MAP2K4: variants seen among roughly 807,000 people sequenced by gnomAD.
MAP2K4 encodes the protein dual specificity mitogen-activated protein kinase kinase 4.
Under a neutral mutation model 48.5 loss-of-function variants are expected in MAP2K4, and 4 were observed. The observed-to-expected ratio is 0.08, with a 90% CI of 0.04 to 0.19. The LOEUF is 0.19. Ranked by LOEUF, MAP2K4 falls within the 10% of genes least tolerant of loss-of-function variation. MAP2K4 has a pLI of 1.00. For missense variants in MAP2K4, 258 were observed against 493.3 expected (o/e 0.52, Z 4.52); for synonymous variants, 166 against 173.1 (o/e 0.96, Z 0.32).
chr17:12,045,323 G>T (rs1228246313), intron 1 of MAP2K4, among the ~76,000 whole-genome samples: 1 of 152,154 alleles, frequency 6.6e-6, no homozygotes, highest in African/African-American at 2.4e-5. Flanking sequence ...GGTGGTGATA[G>T]GATGTCATGG....
In MAP2K4 at chr17:12,085,421, T is replaced by C. The variant is rs540988812; in HGVS notation, c.393+3891T>C. Among the ~76,000 whole-genome samples the C allele has an allele frequency of 1.2e-4, 18 of 151,934 alleles. No homozygotes were observed. The South Asian group carries it at 3.1e-3, about 26-fold the overall frequency. On this transcript the variant is annotated intron_variant, in intron 3 of 10. Coordinates refer to ENST00000353533, the MANE Select transcript of MAP2K4 (RefSeq NM_003010.4). ...TTTCAGTCTTCTGCTTGAGAAATTA[T>C]CTGGGTTAATCAGGAAAAACAGATC...
chr17:12,063,136 T>C (rs1335710940), intron 2 of MAP2K4, among the ~76,000 whole-genome samples: 2 of 152,186 alleles, frequency 1.3e-5, no homozygotes, highest in African/African-American at 2.4e-5. Flanking sequence ...TTCTAAAATA[T>C]GTATGAAAAT....
chr17:12,093,766 A>G (rs1971640832), intron 3 of MAP2K4, among the ~76,000 whole-genome samples: 1 of 152,186 alleles, frequency 6.6e-6, no homozygotes, highest in South Asian at 2.1e-4. Flanking sequence ...TGTCTCTAAT[A>G]TTAAACAACT....
At chr17:12,134,131 C>G (rs1299823163) in intron 9 of MAP2K4, among the ~76,000 whole-genome samples, 1 of 151,920 alleles carries the variant, frequency 6.6e-6, no homozygotes, top group Non-Finnish European at 1.5e-5. Context: ...TGGCTCTCCA[C>G]CTAGGTGATG....
intron 2 of MAP2K4, among the ~76,000 whole-genome samples, chr17:12,063,389 G>T (rs929595498): frequency 2.0e-5 from 3 of 152,082 alleles, no homozygotes; most frequent in African/African-American, 7.2e-5. Context: ...ATAATATTCA[G>T]TGGGAAAAAA....
chr17:12,065,330 G>C (rs1460588144), intron 2 of MAP2K4, among the ~76,000 whole-genome samples: 1 of 131,664 alleles, frequency 7.6e-6, no homozygotes, highest in Admixed American at 8.2e-5. Flanking sequence ...ACAGAGTCTT[G>C]CTCTGTCATC....
intron 10 of MAP2K4, among the ~76,000 whole-genome samples, chr17:12,140,211 A>AG (rs1973333001): frequency 4.0e-5 from 1 of 25,010 alleles, no homozygotes; most frequent in African/African-American, 5.8e-5. Flanking sequence ...AAAATTAGTG[A>AG]AAATTTGTGT....
chr17:12,047,954 T>G (rs1158010799), intron 1 of MAP2K4, among the ~76,000 whole-genome samples: 1 of 152,258 alleles, frequency 6.6e-6, no homozygotes, highest in African/African-American at 2.4e-5. Flanking sequence ...TATTTATTAG[T>G]ATTTTCAGTG....
chr17:12,031,844 T>C (rs565124295), intron 1 of MAP2K4, among the ~76,000 whole-genome samples: 1 of 152,204 alleles, frequency 6.6e-6, no homozygotes, highest in African/African-American at 2.4e-5. Flanking sequence ...CTAAAACTTT[T>C]GCATCATAGA....
In MAP2K4 at chr17:12,096,067, TCCCCCCCCCCCCCCCC is replaced by T. The variant is rs570546554; in HGVS notation, c.513+379_513+394del. The stretch of plus-strand genomic sequence containing the variant: ...TTTTCATTGGGCCTTGAGCAACGCC[TCCCCCCCCCCCCCCCC>T]CCCCCGCCGCCAACTTTATATTTTA... On this transcript the variant is annotated intron_variant, in intron 4 of 10. Transcript: ENST00000353533. 1.7e-4 allele frequency among the ~76,000 whole-genome samples: 4 copies of T among 23,760 alleles called. 1 individual carries two copies. Among genetic ancestry groups the T allele is most frequent in the Admixed American group, 1.4e-3 (2 of 1,468 alleles). The allele number at this position is 23,760 out of a possible 152,430, so 15.6% of individuals were successfully genotyped here.
At chr17:12,049,144 A>G (rs1385792966) in intron 1 of MAP2K4, among the ~76,000 whole-genome samples, 1 of 152,224 alleles carries the variant, frequency 6.6e-6, no homozygotes, top group Non-Finnish European at 1.5e-5. Flanking sequence ...GATTGCAGAT[A>G]ATTAAAAAAT....
At chr17:12,103,339 G>A (rs544521250) in intron 4 of MAP2K4, among the ~76,000 whole-genome samples, 12 of 151,922 alleles carry the variant, frequency 7.9e-5, no homozygotes, top group Middle Eastern at 3.4e-3. Context: ...GAGCCATGGC[G>A]TCTGGCCTCC....
intron 1 of MAP2K4, among the ~76,000 whole-genome samples, chr17:12,029,155 T>C (rs1174935481): frequency 6.6e-6 from 1 of 152,062 alleles, no homozygotes; most frequent in East Asian, 1.9e-4. Flanking sequence ...ATAAAAGATC[T>C]TAAAATTGAG....
intron 6 of MAP2K4, among the ~76,000 whole-genome samples, chr17:12,111,476 CTTGA>C (rs1972301335): frequency 1.3e-5 from 2 of 148,464 alleles, no homozygotes; most frequent in South Asian, 4.2e-4. Flanking sequence ...TTGTTCTTGT[CTTGA>C]TTTTTTTTTT....
At chr17:12,100,954 A>G (rs1971917128) in intron 4 of MAP2K4, among the ~76,000 whole-genome samples, 1 of 152,088 alleles carries the variant, frequency 6.6e-6, no homozygotes, top group Admixed American at 6.5e-5. Context: ...TGTGTTTTGA[A>G]TACAAGTTTA....
intron 4 of MAP2K4, among the ~76,000 whole-genome samples, chr17:12,098,781 T>C (rs997252292): frequency 6.6e-6 from 1 of 152,086 alleles, no homozygotes. Flanking sequence ...GGGATTTCAT[T>C]TCACCTAATT....
chr17:12,073,859 T>G, intron 2 of MAP2K4, among the ~76,000 whole-genome samples: 1 of 151,112 alleles, frequency 6.6e-6, no homozygotes. Flanking sequence ...TGGGAACCTC[T>G]GCCTCCCGGG....
intron 1 of MAP2K4, among the ~76,000 whole-genome samples, chr17:12,054,437 T>G (rs1385636059): frequency 1.3e-5 from 2 of 152,142 alleles, no homozygotes; most frequent in African/African-American, 4.8e-5. Context: ...TACCGTAATG[T>G]TTTTAGCAAA....
chr17:12,134,744 C>T (rs1165336971), intron 9 of MAP2K4, among the ~76,000 whole-genome samples: 1 of 152,128 alleles, frequency 6.6e-6, no homozygotes, highest in African/African-American at 2.4e-5. Flanking sequence ...AATTAAAACA[C>T]ATGCACACAA....
Sources: gnomAD v4.1 joint callset for allele counts (sites outside exome capture counted in the v4.1 genomes callset) on GRCh38, gnomAD v4.1.1 for gene constraint, MANE v1.5 for transcripts, NCBI Gene and HGNC (gene_info 2026-07-23, HGNC 2026-07-21) for gene names.